Variants in PCDHGA5 observed in about 807,000 individuals in gnomAD.
PCDHGA5 encodes protocadherin gamma subfamily A, 5.
In PCDHGA5, 36 loss-of-function variants were observed where a neutral mutation model predicts 56.7. The observed-to-expected ratio is 0.64, with a 90% CI of 0.49 to 0.84. PCDHGA5 has a LOEUF of 0.84. PCDHGA5 is among the 40% of genes least tolerant of loss of function. The pLI is 0.00. For missense variants in PCDHGA5, 1,305 were observed against 1,201.5 expected, an observed-to-expected ratio of 1.09 and a Z score of -1.27; for synonymous variants, 563 against 520.2, an observed-to-expected ratio of 1.08 and a Z score of -1.12.
intron 1 of PCDHGA5, among the ~76,000 whole-genome samples, chr5:141,468,824 C>A (rs1288506117): frequency 6.6e-6 from 1 of 152,010 alleles, no homozygotes; most frequent in Non-Finnish European, 1.5e-5. Flanking sequence ...CAAGATCAAG[C>A]CACTGCACTC....
intron 1 of PCDHGA5, among the ~76,000 whole-genome samples, chr5:141,425,778 C>G (rs2096893107): frequency 6.6e-6 from 1 of 152,160 alleles, no homozygotes; most frequent in African/African-American, 2.4e-5. Flanking sequence ...AAGACTTTGC[C>G]TAGTTCTTCC....
At chr5:141,430,628 C>A in intron 1 of PCDHGA5, 2 of 798,952 alleles carry the variant, frequency 2.5e-6, no homozygotes, top group Non-Finnish European at 3.7e-6. Context: ...TAGGAATGAA[C>A]CATCCCTGGG....
At chr5:141,438,997 C>T (rs2098080665) in intron 1 of PCDHGA5, among the ~76,000 whole-genome samples, 1 of 151,716 alleles carries the variant, frequency 6.6e-6, no homozygotes, top group Admixed American at 6.6e-5. Flanking sequence ...AGGCTAAGGA[C>T]CTGGTTTGTT....
chr5:141,387,840 C>A, intron 1 of PCDHGA5: 1 of 1,597,864 alleles, frequency 6.3e-7, no homozygotes, highest in African/African-American at 1.3e-5. Context: ...TTATTTGTAA[C>A]CCGGCGTCTC....
At chr5:141,452,084 C>CGG (rs1561946918) in intron 1 of PCDHGA5, among the ~76,000 whole-genome samples, 1 of 152,170 alleles carries the variant, frequency 6.6e-6, no homozygotes, top group Non-Finnish European at 1.5e-5. Context: ...TGGCATTATA[C>CGG]AGTAAGAAAG....
intron 1 of PCDHGA5, chr5:141,384,433 G>A (rs1351940709): frequency 6.2e-7 from 1 of 1,613,998 alleles, no homozygotes. Flanking sequence ...CTCTGACACT[G>A]GAGTCCTGTA....
intron 1 of PCDHGA5, 58 bp from the exon 2 acceptor site, chr5:141,494,749 G>A (rs573811540): frequency 2.9e-5 from 47 of 1,612,698 alleles, no homozygotes; most frequent in Non-Finnish European, 3.6e-5. Flanking sequence ...CTAGGGGCTC[G>A]GGTGACATTC....
chr5:141,408,240 C>T (rs1012868761), intron 1 of PCDHGA5: 89 of 1,578,820 alleles, frequency 5.6e-5, no homozygotes, highest in Non-Finnish European at 7.3e-5. Context: ...CGGGCCGGCC[C>T]GCGGCAGGTG....
chr5:141,476,018 A>G lies in PCDHGA5; in HGVS notation c.2422-18789A>G. 7.3e-7 allele frequency: 1 copy of G among 1,371,412 alleles called. No homozygotes were observed. Among genetic ancestry groups the G allele is most frequent in the African/African-American group, 1.4e-5 (1 of 69,226 alleles). The allele number at this position is 1,371,412 out of a possible 1,614,324, so 85.0% of individuals were successfully genotyped here. A position where few individuals can be genotyped will look rare whatever the true frequency, so the allele number is the denominator to read the frequency against. The stretch of plus-strand genomic sequence containing the variant: ...AACGGCATCCAGAAAGCCATGTCGG[A>G]CTCGGCGCCCAGCGCCCAAGCGCTA... On this transcript the variant is annotated intron_variant, in intron 1 of 3. Coordinates refer to ENST00000518069, the MANE Select transcript of PCDHGA5 (RefSeq NM_018918.3). This position sits in a 1 kb window ranked among gnomAD's most constrained non-coding sequence, Gnocchi z 7.6.
intron 1 of PCDHGA5, chr5:141,371,391 G>A (rs1356149825): frequency 6.2e-7 from 1 of 1,614,004 alleles, no homozygotes; most frequent in Admixed American, 1.7e-5. Flanking sequence ...ATATTGTAAA[G>A]TACAGATAGA....
At chr5:141,423,497 A>G in intron 1 of PCDHGA5, 4 of 1,613,940 alleles carry the variant, frequency 2.5e-6, no homozygotes, top group Non-Finnish European at 3.4e-6. Flanking sequence ...TATTCCCACG[A>G]GGTCTCTCTC....
In PCDHGA5 at chr5:141,364,578, G is replaced by A. The variant is rs1168883805; in HGVS notation, c.248G>A (p.Ser83Asn). 2 of 1,614,212 alleles carry A rather than the reference G, an allele frequency of 1.2e-6. No homozygotes were observed. Residue 83 changes from serine to asparagine, a missense_variant, in exon 1 of 4, where the codon AGC becomes AAC. By Grantham distance (46) the Ser-to-Asn change is conservative (BLOSUM62 1). Coordinates refer to ENST00000518069, the MANE Select transcript of PCDHGA5 (RefSeq NM_018918.3). Reference protein sequence around the residue: ...QLFALNPRSGSLVTAGRIDRE... With the variant: ...QLFALNPRSGNLVTAGRIDRE... ...TTTGCCCTGAACCCGCGAAGCGGCAGCTTGGTCACCGCGGGCAGGATAGAC... is the reference window on the plus strand; with the variant it reads ...TTTGCCCTGAACCCGCGAAGCGGCAACTTGGTCACCGCGGGCAGGATAGAC...
chr5:141,404,315 G>A lies in PCDHGA5; in HGVS notation c.2421+37564G>A, dbSNP rs775576610. The A allele has an allele frequency of 9.7e-5, 157 of 1,613,768 alleles. No individual in the cohort carries two copies. Among genetic ancestry groups the A allele is most frequent in the South Asian group, 4.1e-4 (37 of 91,078 alleles). On this transcript the variant is annotated intron_variant, in intron 1 of 3. Transcript: ENST00000518069. Reference sequence around the variant, plus strand: ...TGATAATCCACCTGCTTTCTCTCAAGCCTCCTACTCAGTCTACCTCCCGGA... The same window carrying A: ...TGATAATCCACCTGCTTTCTCTCAAACCTCCTACTCAGTCTACCTCCCGGA...
At chr5:141,430,878 A>G in intron 1 of PCDHGA5, 1 of 1,600,748 alleles carries the variant, frequency 6.2e-7, no homozygotes, top group Admixed American at 1.8e-5. Context: ...GAAGAGCTGG[A>G]GAAAGGCTCT....
intron 1 of PCDHGA5, chr5:141,422,116 T>A (rs753281558): frequency 2.5e-6 from 4 of 1,604,730 alleles, no homozygotes; most frequent in Non-Finnish European, 3.4e-6. Context: ...CCAATTGGAT[T>A]CACAAACTGG....
At chr5:141,394,859 C>G in intron 1 of PCDHGA5, 4 of 1,613,758 alleles carry the variant, frequency 2.5e-6, no homozygotes, top group Non-Finnish European at 3.4e-6. Flanking sequence ...AGCCTTCGGT[C>G]GACCCGAACG....
Position 141,432,826 on chromosome 5 carries a change from CACTCTGTACCT to C in PCDHGA5, c.2422-61980_2422-61970del, listed in dbSNP as rs1251102522. 6.2e-7 allele frequency: 1 copy of C among 1,614,096 alleles called. No homozygotes were observed. Among genetic ancestry groups the C allele is most frequent in the Non-Finnish European group, 8.5e-7 (1 of 1,180,020 alleles). On this transcript the variant is annotated intron_variant, in intron 1 of 3. Coordinates refer to ENST00000518069, the MANE Select transcript of PCDHGA5 (RefSeq NM_018918.3). This position sits in a 1 kb window ranked among gnomAD's most constrained non-coding sequence, Gnocchi z 6.0. Reference sequence around the variant, plus strand: ...CAGCTAACTCTGAAACCTCAGACCTCACTCTGTACCTGGTGGTAGCGGTGGCCGCGGTCTCC... The same window carrying C: ...CAGCTAACTCTGAAACCTCAGACCTCGGTGGTAGCGGTGGCCGCGGTCTCC...
At chr5:141,394,938 G>T (rs367656720) in intron 1 of PCDHGA5, 1 of 1,613,662 alleles carries the variant, frequency 6.2e-7, no homozygotes, top group Non-Finnish European at 8.5e-7. Context: ...CGCCTTTGTC[G>T]CTGTGCTTCT....
chr5:141,398,799 C>A, intron 1 of PCDHGA5: 1 of 1,613,966 alleles, frequency 6.2e-7, no homozygotes, highest in South Asian at 1.1e-5. Context: ...CCCTAAGCGG[C>A]ACCACTGAGC....
Sources: gnomAD v4.1 joint callset for allele counts (sites outside exome capture counted in the v4.1 genomes callset) on GRCh38, gnomAD v4.1.1 for gene constraint, Gnocchi (gnomAD v3.1) non-coding constraint, MANE v1.5 for transcripts, NCBI Gene and HGNC (gene_info 2026-07-23, HGNC 2026-07-21) for gene names.